Variants in ARHGEF28 observed in about 807,000 individuals in gnomAD.
ARHGEF28 encodes Rho guanine nucleotide exchange factor 28.
In ARHGEF28, 152 loss-of-function variants were observed where a neutral mutation model predicts 206.6. The observed-to-expected ratio is 0.74, with a 90% CI of 0.64 to 0.84. The LOEUF is 0.84. ARHGEF28 is among the 40% of genes least tolerant of loss of function. The probability of loss-of-function intolerance (pLI) is 0.00; values close to 1 mark genes in which losing one functional copy is unlikely to be tolerated. For missense variants in ARHGEF28, 2,028 were observed against 2,073.2 expected (o/e 0.98, Z 0.42); for synonymous variants, 763 against 776.4 (o/e 0.98, Z 0.29).
chr5:73,766,486 C>T (rs149934520), intron 4 of ARHGEF28, among the ~76,000 whole-genome samples: 2 of 152,296 alleles, frequency 1.3e-5, no homozygotes, highest in East Asian at 3.9e-4. Flanking sequence ...TAATTAAGAG[C>T]TGACTGGGTA....
Position 73,901,220 on chromosome 5 carries a change from C to A in ARHGEF28, c.4010C>A (p.Ser1337Ter). 1 of 1,613,138 alleles carries A rather than the reference C, an allele frequency of 6.2e-7. No individual in the cohort carries two copies. The highest frequency in any genetic ancestry group is 1.1e-5 in the South Asian group (1 of 90,894). The change falls in exon 31 of 36, where the codon TCG (serine) becomes TAG (stop). Residue 1337 changes from serine to a stop codon, truncating the protein, a stop_gained. Transcript: ENST00000513042. LOFTEE classifies it high-confidence loss of function. Reference protein sequence around the residue: ...VTGGREGRGCSDVDPGIQGVV... With the variant: ...VTGGREGRGC Reference sequence around the variant, plus strand: ...GGAGGGAGAGAAGGAAGAGGCTGTTCGGATGTGGATCCCGGGATCCAGGGT... The same window carrying A: ...GGAGGGAGAGAAGGAAGAGGCTGTTAGGATGTGGATCCCGGGATCCAGGGT...
chr5:73,768,396 G>A (rs1270083421), intron 4 of ARHGEF28, among the ~76,000 whole-genome samples: 4 of 152,182 alleles, frequency 2.6e-5, no homozygotes, highest in Non-Finnish European at 5.9e-5. Flanking sequence ...AAAGCCACAG[G>A]GGCAGAGCTG....
At chr5:73,747,753 T>G (rs1333323338) in intron 2 of ARHGEF28, among the ~76,000 whole-genome samples, 1 of 152,218 alleles carries the variant, frequency 6.6e-6, no homozygotes, top group African/African-American at 2.4e-5. Context: ...ATCTCCTTAA[T>G]GGGCATGTCT....
chr5:73,699,882 G>T, intron 2 of ARHGEF28, among the ~76,000 whole-genome samples: 1 of 152,246 alleles, frequency 6.6e-6, no homozygotes, highest in Middle Eastern at 3.4e-3. Context: ...AAATTTACTT[G>T]ACCAGTCATA....
intron 1 of ARHGEF28, among the ~76,000 whole-genome samples, chr5:73,672,640 C>A (rs1265970721): frequency 6.6e-6 from 1 of 152,154 alleles, no homozygotes; most frequent in Non-Finnish European, 1.5e-5. Context: ...GAAATTGATA[C>A]CTTGGTAGGT....
chr5:73,738,487 G>A (rs1751156736), intron 2 of ARHGEF28, among the ~76,000 whole-genome samples: 1 of 81,390 alleles, frequency 1.2e-5, no homozygotes, highest in African/African-American at 3.9e-5. Flanking sequence ...GGCCTCGTGT[G>A]TGTGTGTGTG....
intron 2 of ARHGEF28, among the ~76,000 whole-genome samples, chr5:73,691,655 A>G (rs1561336689): frequency 6.6e-6 from 1 of 152,218 alleles, no homozygotes; most frequent in Non-Finnish European, 1.5e-5. Context: ...TTCTGTATTC[A>G]TATATACATA....
intron 10 of ARHGEF28, among the ~76,000 whole-genome samples, chr5:73,833,775 C>T (rs144420424): frequency 5.9e-5 from 9 of 152,220 alleles, no homozygotes; most frequent in Middle Eastern, 3.4e-3. Context: ...CGGAAGATAC[C>T]TCTTCACAGG....
chr5:73,651,592 G>A (rs1744836484), intron 1 of ARHGEF28, among the ~76,000 whole-genome samples: 1 of 152,142 alleles, frequency 6.6e-6, no homozygotes, highest in Admixed American at 6.5e-5. Context: ...ACAGCTTGTT[G>A]TTATTTCTTG....
At chr5:73,665,636 C>G (rs1425592053) in intron 1 of ARHGEF28, among the ~76,000 whole-genome samples, 1 of 152,072 alleles carries the variant, frequency 6.6e-6, no homozygotes, top group Non-Finnish European at 1.5e-5. Context: ...GGCAGAAGGG[C>G]AAGAGAGCAT....
chr5:73,796,451 G>A (rs1193963767), intron 9 of ARHGEF28, among the ~76,000 whole-genome samples: 2 of 152,234 alleles, frequency 1.3e-5, no homozygotes, highest in Non-Finnish European at 2.9e-5. Flanking sequence ...GGTAACCCAC[G>A]GGGTCACCGT....
chr5:73,642,931 C>CA (rs1164173072), intron 1 of ARHGEF28, among the ~76,000 whole-genome samples: 1 of 152,194 alleles, frequency 6.6e-6, no homozygotes, highest in Non-Finnish European at 1.5e-5. Flanking sequence ...CAAACTTGTA[C>CA]ATTTTAATGA....
intron 17 of ARHGEF28, 116 bp downstream of exon 17, chr5:73,864,988 C>T (rs758784116): frequency 3.3e-5 from 29 of 874,164 alleles, no homozygotes; most frequent in Admixed American, 5.0e-5. Flanking sequence ...ATCATGATAG[C>T]GATAACATAA....
In ARHGEF28 at chr5:73,901,921, G is replaced by C. The variant is rs185044695; in HGVS notation, c.4074+637G>C. ...AACTTCCTATTAATGTCTACTGAAA[G>C]TGAGATGTCAGAAATAGGGAAGGAA... On this transcript the variant is annotated intron_variant, in intron 31 of 35. Coordinates refer to ENST00000513042, the MANE Select transcript of ARHGEF28 (RefSeq NM_001177693.2). 36 of 152,270 alleles carry C rather than the reference G, an allele frequency of 2.4e-4. 1 individual carries two copies. The highest frequency in any genetic ancestry group is 8.4e-4 in the African/African-American group (35 of 41,544). The allele number at this position is 152,270 out of a possible 1,614,324, so 9.4% of individuals were successfully genotyped here.
intron 35 of ARHGEF28, among the ~76,000 whole-genome samples, chr5:73,919,859 A>G (rs549551470): frequency 2.0e-5 from 3 of 152,346 alleles, no homozygotes; most frequent in African/African-American, 4.8e-5. Flanking sequence ...GTTAGCACTT[A>G]TAATTTGAAT....
intron 2 of ARHGEF28, among the ~76,000 whole-genome samples, chr5:73,740,195 AGAAG>A (rs1036740958): frequency 1.3e-5 from 2 of 148,370 alleles, no homozygotes; most frequent in African/African-American, 2.5e-5. Context: ...AAAAAAAAAA[AGAAG>A]GAGAAGCGAA....
chr5:73,910,191 G>GCCAA (rs1762810685), intron 34 of ARHGEF28, among the ~76,000 whole-genome samples: 1 of 151,858 alleles, frequency 6.6e-6, no homozygotes, highest in Non-Finnish European at 1.5e-5. Context: ...GACCAGCCTG[G>GCCAA]CCAACATGGT....
chr5:73,773,254 C>T (rs528912765), intron 4 of ARHGEF28, among the ~76,000 whole-genome samples: 1 of 152,280 alleles, frequency 6.6e-6, no homozygotes, highest in Non-Finnish European at 1.5e-5. Flanking sequence ...CCTTACAGGT[C>T]GAGCCTCCTG....
At chr5:73,914,391 C>CTTTT (rs571265796) in intron 35 of ARHGEF28, among the ~76,000 whole-genome samples, 42 of 102,936 alleles carry the variant, frequency 4.1e-4, no homozygotes, top group African/African-American at 4.7e-4. Context: ...TTCTGAATTG[C>CTTTT]TTTTTTTTTT....
Sources: gnomAD v4.1 joint callset for allele counts (sites outside exome capture counted in the v4.1 genomes callset) on GRCh38, gnomAD v4.1.1 for gene constraint, MANE v1.5 for transcripts, NCBI Gene and HGNC (gene_info 2026-07-23, HGNC 2026-07-21) for gene names.